Variants in DTD1 observed in about 807,000 individuals in gnomAD.
DTD1 encodes D-aminoacyl-tRNA deacylase 1, also known as D-tyrosyl-tRNA deacylase 1 homolog.
DTD1 carries 13 observed loss-of-function variants against 25.6 expected under a neutral mutation model. That is an observed-to-expected ratio of 0.51 (90% CI 0.33 to 0.81). The LOEUF (loss-of-function observed/expected upper bound fraction) is 0.81. Ranked by LOEUF, DTD1 falls within the 30% of genes least tolerant of loss-of-function variation. The pLI is 0.02. For synonymous variants in DTD1, 110 were observed against 103.6 expected, an observed-to-expected ratio of 1.06 and a Z score of -0.37; for missense variants, 193 against 266.4, an observed-to-expected ratio of 0.72 and a Z score of 1.92.
chr20:18,742,680 C>T lies in DTD1; in HGVS notation c.478-1420C>T, dbSNP rs185985491. 3.9e-5 allele frequency among the ~76,000 whole-genome samples: 6 copies of T among 152,244 alleles called. No individual in the cohort carries two copies. The East Asian group carries it at 5.8e-4, about 15-fold the overall frequency. On this transcript the variant is annotated intron_variant, in intron 4 of 5. Coordinates refer to ENST00000377452, the MANE Select transcript of DTD1 (RefSeq NM_080820.6). ...ACAGAAAAATTGTCTTCTATAAAAC[C>T]GGTCCCTGGTGCCAAAAATGTTGGG...
intron 3 of DTD1, among the ~76,000 whole-genome samples, chr20:18,617,645 T>C (rs1233485045): frequency 6.6e-6 from 1 of 152,180 alleles, no homozygotes. Context: ...AAAGGTTTGC[T>C]CTCATTCGTG....
At chr20:18,673,577 T>A (rs1217623745) in intron 4 of DTD1, among the ~76,000 whole-genome samples, 2 of 152,216 alleles carry the variant, frequency 1.3e-5, no homozygotes, top group African/African-American at 4.8e-5. Context: ...CTGTAACTCA[T>A]TATCTTCAAA....
intron 4 of DTD1, among the ~76,000 whole-genome samples, chr20:18,710,047 T>C (rs1032102068): frequency 2.6e-5 from 4 of 152,284 alleles, no homozygotes; most frequent in African/African-American, 9.6e-5. Flanking sequence ...CCATTATGAA[T>C]AGGGCAGCTT....
intron 4 of DTD1, among the ~76,000 whole-genome samples, chr20:18,655,719 A>G (rs1383723005): frequency 6.6e-6 from 1 of 151,982 alleles, no homozygotes; most frequent in Non-Finnish European, 1.5e-5. Context: ...TTGAATGGCC[A>G]TATTCTTTTC....
chr20:18,747,035 A>G (rs181078296), intron 5 of DTD1, among the ~76,000 whole-genome samples: 8 of 152,324 alleles, frequency 5.3e-5, no homozygotes, highest in Non-Finnish European at 1.2e-4. Flanking sequence ...CCAAAACTTC[A>G]TGATAATTCA....
chr20:18,598,495 T>G (rs2060620753), intron 3 of DTD1, among the ~76,000 whole-genome samples: 1 of 151,742 alleles, frequency 6.6e-6, no homozygotes, highest in African/African-American at 2.4e-5. Flanking sequence ...GTATACTCAG[T>G]AACAGTAATT....
At chr20:18,696,143 C>T (rs947753984) in intron 4 of DTD1, among the ~76,000 whole-genome samples, 45 of 152,182 alleles carry the variant, frequency 3.0e-4, no homozygotes, top group African/African-American at 1.1e-3. Flanking sequence ...GCGTTGTCTT[C>T]TGTAAAGAGC....
At chr20:18,758,899 C>G (rs2061349938) in intron 5 of DTD1, among the ~76,000 whole-genome samples, 2 of 150,600 alleles carry the variant, frequency 1.3e-5, no homozygotes, top group Admixed American at 6.6e-5. Context: ...TATTGTGTGG[C>G]TTTATGAATC....
intron 4 of DTD1, among the ~76,000 whole-genome samples, chr20:18,664,967 C>G (rs956792486): frequency 2.0e-5 from 3 of 151,962 alleles, no homozygotes; most frequent in African/African-American, 7.3e-5. Flanking sequence ...AGCCAGTGGT[C>G]TCTAGTGTGG....
chr20:18,703,103 C>A (rs2061112391), intron 4 of DTD1, among the ~76,000 whole-genome samples: 1 of 152,170 alleles, frequency 6.6e-6, no homozygotes, highest in Non-Finnish European at 1.5e-5. Flanking sequence ...GAATGTAAAT[C>A]TTCTGCCTTT....
At chr20:18,720,462 A>G (rs1279557932) in intron 4 of DTD1, among the ~76,000 whole-genome samples, 1 of 152,136 alleles carries the variant, frequency 6.6e-6, no homozygotes, top group African/African-American at 2.4e-5. Context: ...ATATCTGTCT[A>G]ATTTATTCTG....
chr20:18,691,296 A>G (rs1406121700), intron 4 of DTD1, among the ~76,000 whole-genome samples: 3 of 152,198 alleles, frequency 2.0e-5, no homozygotes, highest in Admixed American at 1.3e-4. Flanking sequence ...AGATTGTTCT[A>G]CCAAAAAGAC....
At chr20:18,675,404 G>C (rs1380758022) in intron 4 of DTD1, 1 of 152,234 alleles carries the variant, frequency 6.6e-6, no homozygotes, top group East Asian at 1.9e-4. Context: ...ATACCTTCCG[G>C]TTGCTGGATC....
intron 4 of DTD1, among the ~76,000 whole-genome samples, chr20:18,708,292 T>C (rs1490755899): frequency 1.2e-4 from 7 of 60,468 alleles, no homozygotes; most frequent in African/African-American, 4.7e-4. Flanking sequence ...ATATTATATA[T>C]ATATAATATA....
rs2061189859 is a variant in DTD1, at chr20:18,718,343, T to TC, written c.478-25756dup. ...TGTTACCTCCAGGTGGCAGCGACCT[T>TC]CAAGGGCCAGTGTGGCAACCAGAGG... On this transcript the variant is annotated intron_variant, in intron 4 of 5. Transcript: ENST00000377452. 2.6e-5 allele frequency among the ~76,000 whole-genome samples: 4 copies of TC among 152,298 alleles called. No homozygotes were observed. In the East Asian group the frequency reaches 7.7e-4, roughly 29 times the overall value.
intron 4 of DTD1, among the ~76,000 whole-genome samples, chr20:18,723,584 G>C (rs1663490507): frequency 6.6e-6 from 1 of 152,184 alleles, no homozygotes; most frequent in African/African-American, 2.4e-5. Context: ...ATTTTCTGTA[G>C]CCAGCTCTGA....
intron 4 of DTD1, among the ~76,000 whole-genome samples, chr20:18,731,762 T>C (rs2122505840): frequency 6.6e-6 from 1 of 152,378 alleles, no homozygotes; most frequent in Admixed American, 6.5e-5. Context: ...ATTTATTGTC[T>C]GGACTCTGTA....
chr20:18,735,521 C>T (rs1488052886), intron 4 of DTD1, among the ~76,000 whole-genome samples: 1 of 152,224 alleles, frequency 6.6e-6, no homozygotes, highest in Non-Finnish European at 1.5e-5. Context: ...CAGAAGCAAT[C>T]TTCAAATAAT....
rs999256351 is a variant in DTD1, at chr20:18,680,442, A to G, written c.477+52209A>G. On this transcript the variant is annotated intron_variant, in intron 4 of 5. Coordinates refer to ENST00000377452, the MANE Select transcript of DTD1 (RefSeq NM_080820.6). ...GTTTTTTTTTTTTTTTGGTCTCACT[A>G]TGTTGCCTGGACTGGTCTTGAACTC... is the stretch of plus-strand genomic sequence containing the variant. Among the ~76,000 whole-genome samples, 35 of 118,320 alleles carry G rather than the reference A, an allele frequency of 3.0e-4. 1 individual carries two copies. Among genetic ancestry groups the G allele is most frequent in the African/African-American group, 9.8e-4 (30 of 30,724 alleles). 77.6% of individuals were successfully genotyped at this position (118,320 alleles called of 152,430 possible). A position where few individuals can be genotyped will look rare whatever the true frequency, so the allele number is the denominator to read the frequency against.
Sources: allele counts gnomAD v4.1 joint callset (sites outside exome capture counted in the v4.1 genomes callset), GRCh38; gene constraint gnomAD v4.1.1; transcripts MANE v1.5; gene names NCBI Gene and HGNC (gene_info 2026-07-23, HGNC 2026-07-21).